AREL1: variants seen among roughly 807,000 people sequenced by gnomAD.
AREL1 encodes the protein apoptosis resistant E3 ubiquitin protein ligase 1.
In AREL1, 62 loss-of-function variants were observed where a neutral mutation model predicts 99.0. The observed-to-expected ratio is 0.63, with a 90% CI of 0.51 to 0.77. The LOEUF (loss-of-function observed/expected upper bound fraction) is 0.77, where lower values mean the gene tolerates loss of function less well. Ranked by LOEUF, AREL1 falls within the 30% of genes least tolerant of loss-of-function variation. The pLI is 0.00. For missense variants in AREL1, 879 were observed against 1,027.6 expected (o/e 0.86, Z 1.98); for synonymous variants, 380 against 376.5 (o/e 1.01, Z -0.11).
At chr14:74,677,087 C>T (rs182575970) in intron 5 of AREL1, among the ~76,000 whole-genome samples, 5 of 152,020 alleles carry the variant, frequency 3.3e-5, no homozygotes, top group East Asian at 3.9e-4. Flanking sequence ...GCGTGAGCCA[C>T]CACGCCCGGC....
chr14:74,689,554 C>G (rs1393457762), intron 2 of AREL1, among the ~76,000 whole-genome samples: 2 of 151,184 alleles, frequency 1.3e-5, no homozygotes, highest in African/African-American at 4.9e-5. Flanking sequence ...ATGTGAATCT[C>G]CATAGAACAT....
chr14:74,664,480 G>A (rs2089165761), intron 18 of AREL1, among the ~76,000 whole-genome samples: 1 of 111,674 alleles, frequency 9.0e-6, no homozygotes, highest in Non-Finnish European at 1.7e-5. Context: ...TTGAGAAAGA[G>A]TCTCGCTCTG....
Position 74,662,858 on chromosome 14 carries a change from T to C in AREL1, c.*862A>G. ...CCCCAGCTTTTAGCAGACTACATAATGGGGAAGTCAGTGGCCCAAGCCGGC... is the reference window on the plus strand; with the variant it reads ...CCCCAGCTTTTAGCAGACTACATAACGGGGAAGTCAGTGGCCCAAGCCGGC... On this transcript the variant is annotated 3_prime_UTR_variant, in exon 20 of 20. Coordinates refer to ENST00000356357, the MANE Select transcript of AREL1 (RefSeq NM_001039479.2). 1 of 362,782 alleles carries C rather than the reference T, an allele frequency of 2.8e-6. No homozygotes were observed. Among genetic ancestry groups the C allele is most frequent in the South Asian group, 1.5e-4 (1 of 6,732 alleles). 22.5% of individuals were successfully genotyped at this position (362,782 alleles called of 1,614,324 possible).
intron 1 of AREL1, among the ~76,000 whole-genome samples, chr14:74,694,252 G>A (rs562508494): frequency 4.6e-5 from 7 of 152,242 alleles, no homozygotes; most frequent in African/African-American, 1.7e-4. Flanking sequence ...GGGTCAACTG[G>A]CTACTGGAAC....
chr14:74,702,434 T>C (rs1372116325), intron 1 of AREL1, among the ~76,000 whole-genome samples: 1 of 152,232 alleles, frequency 6.6e-6, no homozygotes, highest in Non-Finnish European at 1.5e-5. Flanking sequence ...GCCCAAGCTG[T>C]ACCTTGGCTC....
chr14:74,711,239 A>C (rs1342729824), intron 1 of AREL1, among the ~76,000 whole-genome samples: 1 of 138,484 alleles, frequency 7.2e-6, no homozygotes, highest in Non-Finnish European at 1.6e-5. Flanking sequence ...CCGTCTCAAA[A>C]AAAAAAAAAA....
At position 74,712,059 on chromosome 14, in the gene AREL1, AAAAAAAAAG is replaced by A. The variant is rs2090313362; in HGVS notation, c.-334+865_-334+873del. 48 of 48,058 alleles carry A rather than the reference AAAAAAAAAG, an allele frequency of 1.0e-3. 1 individual carries two copies. Among genetic ancestry groups the A allele is most frequent in the African/African-American group, 3.8e-3 (48 of 12,596 alleles). The allele number at this position is 48,058 out of a possible 1,614,324, so 3.0% of individuals were successfully genotyped here. ...AGTGCAAAAAAAAAAAAAAAAAAAA[AAAAAAAAAG>A]AAAAAAAAAGAAAGAAAGAAAGAAA... On this transcript the variant is annotated intron_variant, in intron 1 of 19. Transcript: ENST00000356357.
intron 1 of AREL1, among the ~76,000 whole-genome samples, chr14:74,706,638 C>A (rs1021253829): frequency 5.9e-5 from 9 of 152,138 alleles, no homozygotes; most frequent in Non-Finnish European, 1.5e-5. Context: ...CTATTAATTT[C>A]TTCAAATGCA....
chr14:74,672,130 C>A (rs574428500), intron 11 of AREL1: 2 of 373,454 alleles, frequency 5.4e-6, no homozygotes, highest in South Asian at 3.7e-5. Flanking sequence ...CCTTTTAATT[C>A]AACAAGCGCT....
intron 1 of AREL1, among the ~76,000 whole-genome samples, chr14:74,710,781 A>G (rs1168055934): frequency 6.6e-6 from 1 of 152,242 alleles, no homozygotes; most frequent in Non-Finnish European, 1.5e-5. Context: ...AAGCCATCTA[A>G]ATGAATGTGT....
intron 17 of AREL1, 35 bp from the exon 18 acceptor site, chr14:74,664,960 C>A: frequency 6.3e-7 from 1 of 1,581,590 alleles, no homozygotes; most frequent in South Asian, 1.1e-5. Context: ...CTATGACAGT[C>A]AGAGAGACAA....
Position 74,676,571 on chromosome 14 carries a change from G to C in AREL1, c.651+12C>G, listed in dbSNP as rs1447977415. 4 of 1,609,894 alleles carry C rather than the reference G, an allele frequency of 2.5e-6. No homozygotes were observed. The highest frequency in any genetic ancestry group is 1.3e-5 in the African/African-American group (1 of 74,568). ...CTCTCTAGCACACAGATAAAGAAGG[G>C]AGACTGCTTACCTCATGAATGGACA... On this transcript the variant is annotated intron_variant, in intron 6 of 19. Coordinates refer to ENST00000356357, the MANE Select transcript of AREL1 (RefSeq NM_001039479.2).
rs370956665 is a variant in AREL1 at position 74,669,975 on chromosome 14, T to C, written c.1760A>G (p.Gln587Arg). 7 of 1,613,036 alleles carry C rather than the reference T, an allele frequency of 4.3e-6. No homozygotes were observed. Among genetic ancestry groups the C allele is most frequent in the Non-Finnish European group, 5.9e-6 (7 of 1,179,504 alleles). The change falls in exon 14 of 20, where the codon CAA becomes CGA. Residue 587 changes from glutamine (Q) to arginine (R), a missense_variant. Physicochemically the swap from Gln to Arg is conservative, Grantham distance 43 (BLOSUM62 1). Coordinates refer to ENST00000356357, the MANE Select transcript of AREL1 (RefSeq NM_001039479.2). ...GTAATGCATACGCAGTCCTATGATT[T>C]GGGCCAGGAAAGAGCGGGTGAAGCG... ...RARFTRSFLA[Q>R]IIGLRMHYKY...
intron 6 of AREL1, 116 bp from the exon 7 acceptor site, chr14:74,676,437 A>G (rs944330157): frequency 9.1e-6 from 13 of 1,427,438 alleles, no homozygotes; most frequent in Non-Finnish European, 1.2e-5. Flanking sequence ...CAAAATTACT[A>G]ATGAGACAGG....
At chr14:74,682,657 G>A (rs1354536282) in intron 5 of AREL1, among the ~76,000 whole-genome samples, 4 of 152,324 alleles carry the variant, frequency 2.6e-5, no homozygotes, top group Non-Finnish European at 4.4e-5. Flanking sequence ...GGGCCTGGTG[G>A]GAGGTGATGG....
At chr14:74,707,546 A>G (rs1291802175) in intron 1 of AREL1, among the ~76,000 whole-genome samples, 2 of 152,186 alleles carry the variant, frequency 1.3e-5, no homozygotes, top group East Asian at 3.9e-4. Context: ...CTGTAATCCC[A>G]GCACTTTGGG....
chr14:74,693,224 C>T (rs2089918830), intron 1 of AREL1, among the ~76,000 whole-genome samples: 1 of 152,128 alleles, frequency 6.6e-6, no homozygotes, highest in Non-Finnish European at 1.5e-5. Flanking sequence ...AGCTTTAAAG[C>T]CCAATCTATC....
intron 5 of AREL1, among the ~76,000 whole-genome samples, chr14:74,681,436 T>C (rs1478346144): frequency 1.5e-5 from 2 of 133,890 alleles, no homozygotes; most frequent in Non-Finnish European, 3.0e-5. Flanking sequence ...GACAAAATTA[T>C]AGAAATGGGG....
intron 7 of AREL1, 89 bp downstream of exon 7, chr14:74,676,052 C>CAAATGT (rs2089465802): frequency 6.4e-7 from 1 of 1,551,728 alleles, no homozygotes. Flanking sequence ...GCCCAAATAT[C>CAAATGT]AAATGTTTGT....
Sources: gnomAD v4.1 joint callset for allele counts (sites outside exome capture counted in the v4.1 genomes callset) on GRCh38, gnomAD v4.1.1 for gene constraint, MANE v1.5 for transcripts, NCBI Gene and HGNC (gene_info 2026-07-23, HGNC 2026-07-21) for gene names.